The following PCDH9 variants were observed in gnomAD, a reference collection of about 807,000 sequenced individuals.
PCDH9 encodes protocadherin 9, also known as protocadherin-9.
PCDH9 carries 24 observed loss-of-function variants against 70.6 expected under a neutral mutation model. The ratio of observed to expected loss-of-function variants is 0.34; its 90% CI spans 0.25 to 0.48. PCDH9 has a LOEUF of 0.48. PCDH9 is among the 20% of genes least tolerant of loss of function. The pLI is 0.99. For missense variants in PCDH9, 1,281 were observed against 1,503.6 expected (o/e 0.85, Z 2.45); for synonymous variants, 562 against 558.5 (o/e 1.01, Z -0.09).
rs145059803 is a variant in PCDH9, at chr13:66,757,082, C to T, written c.3139-125671G>A. On this transcript the variant is annotated intron_variant, in intron 3 of 4. Coordinates refer to ENST00000377865, the MANE Select transcript of PCDH9 (RefSeq NM_203487.3). Reference sequence around the variant, plus strand: ...GAACTCCTGACATCAAGTGATCCACCCACCTCAGCCTCCCAAAGTGCTGGG... The same window carrying T: ...GAACTCCTGACATCAAGTGATCCACTCACCTCAGCCTCCCAAAGTGCTGGG... 9.2e-3 allele frequency among the ~76,000 whole-genome samples: 1,401 copies of T among 152,232 alleles called. 17 individuals are homozygous for T. Among genetic ancestry groups the T allele is most frequent in the Non-Finnish European group, 0.016 (1,104 of 68,018 alleles).
intron 2 of PCDH9, among the ~76,000 whole-genome samples, chr13:67,186,825 C>A (rs1323291550): frequency 6.6e-6 from 1 of 152,060 alleles, no homozygotes; most frequent in African/African-American, 2.4e-5. Context: ...CATTAACTGA[C>A]CATTAAGCTT....
At chr13:67,074,884 T>A (rs2085847137) in intron 2 of PCDH9, among the ~76,000 whole-genome samples, 1 of 152,122 alleles carries the variant, frequency 6.6e-6, no homozygotes, top group African/African-American at 2.4e-5. Context: ...ATATATTAGT[T>A]TATTCTTACA....
chr13:66,368,790 A>T (rs900400833), intron 4 of PCDH9, among the ~76,000 whole-genome samples: 1 of 152,058 alleles, frequency 6.6e-6, no homozygotes, highest in African/African-American at 2.4e-5. Context: ...TATAATTGGA[A>T]GCCAAGGAGG....
At chr13:66,974,309 G>C (rs1436715297) in intron 2 of PCDH9, among the ~76,000 whole-genome samples, 1 of 151,964 alleles carries the variant, frequency 6.6e-6, no homozygotes, top group Non-Finnish European at 1.5e-5. Flanking sequence ...AAGGATTGTA[G>C]AAAAGAAAAT....
chr13:66,560,416 T>G (rs2324911), intron 4 of PCDH9, among the ~76,000 whole-genome samples: 145,713 of 151,912 alleles, frequency 0.96, 70,210 homozygotes, highest in East Asian at 1. Flanking sequence ...CAACACAATG[T>G]AAGGAGCTGG....
At chr13:66,756,075 G>C (rs1421675547) in intron 3 of PCDH9, among the ~76,000 whole-genome samples, 1 of 152,174 alleles carries the variant, frequency 6.6e-6, no homozygotes, top group Non-Finnish European at 1.5e-5. Flanking sequence ...TTTCTGAAGA[G>C]AGTGAAGATA....
chr13:67,029,062 C>CA (rs979390307), intron 2 of PCDH9, among the ~76,000 whole-genome samples: 12 of 151,810 alleles, frequency 7.9e-5, no homozygotes, highest in Non-Finnish European at 1.0e-4. Context: ...ACTGGTTATG[C>CA]AAAAAAATAA....
At chr13:66,580,738 G>A (rs1048147128) in intron 4 of PCDH9, among the ~76,000 whole-genome samples, 2 of 151,958 alleles carry the variant, frequency 1.3e-5, no homozygotes, top group Admixed American at 6.5e-5. Context: ...CACTTTAAAT[G>A]AGTGTATCTT....
intron 2 of PCDH9, among the ~76,000 whole-genome samples, chr13:67,194,315 A>G (rs548553832): frequency 6.6e-6 from 1 of 152,158 alleles, no homozygotes; most frequent in African/African-American, 2.4e-5. Context: ...ACCATAGGGG[A>G]CAAAAATTCA....
chr13:67,080,708 AT>A (rs2085966844), intron 2 of PCDH9, among the ~76,000 whole-genome samples: 1 of 152,256 alleles, frequency 6.6e-6, no homozygotes, highest in African/African-American at 2.4e-5. Flanking sequence ...CATTGTTTGT[AT>A]TCAGGCAAAC....
intron 2 of PCDH9, among the ~76,000 whole-genome samples, chr13:67,148,246 A>T (rs955566053): frequency 2.7e-5 from 4 of 148,236 alleles, no homozygotes; most frequent in African/African-American, 9.9e-5. Context: ...TGGAATTTGT[A>T]TTTTTCTTCC....
chr13:66,445,893 CCAT>C (rs1958079881), intron 4 of PCDH9, among the ~76,000 whole-genome samples: 1 of 150,454 alleles, frequency 6.6e-6, no homozygotes, highest in South Asian at 2.1e-4. Flanking sequence ...CCTTTCTCTT[CCAT>C]GTTTATTTCA....
At chr13:66,396,951 GA>G (rs1188598353) in intron 4 of PCDH9, among the ~76,000 whole-genome samples, 2 of 151,556 alleles carry the variant, frequency 1.3e-5, no homozygotes, top group Admixed American at 6.6e-5. Flanking sequence ...CCAACATTCT[GA>G]AAAAAAATGT....
intron 4 of PCDH9, 39 bp from the exon 5 acceptor site, chr13:66,305,067 G>C: frequency 1.3e-6 from 2 of 1,514,798 alleles, no homozygotes; most frequent in Non-Finnish European, 1.8e-6. Flanking sequence ...AAAAGGAAGT[G>C]GTTAAAATTT....
chr13:66,651,583 T>C (rs2077852201), intron 3 of PCDH9, among the ~76,000 whole-genome samples: 1 of 152,092 alleles, frequency 6.6e-6, no homozygotes, highest in African/African-American at 2.4e-5. Flanking sequence ...ACTAAACATT[T>C]ATTTAAAGAA....
chr13:66,629,022 T>A, intron 4 of PCDH9, among the ~76,000 whole-genome samples: 1 of 152,354 alleles, frequency 6.6e-6, no homozygotes, highest in East Asian at 1.9e-4. Context: ...CAGATGTTCA[T>A]TGGTTTCTGA....
At chr13:67,091,010 T>G (rs537127959) in intron 2 of PCDH9, among the ~76,000 whole-genome samples, 1 of 152,246 alleles carries the variant, frequency 6.6e-6, no homozygotes, top group Non-Finnish European at 1.5e-5. Context: ...GTTATTATTT[T>G]TAGAACTTCA....
chr13:66,307,159 TCTTAC>T (rs752373318), intron 4 of PCDH9, among the ~76,000 whole-genome samples: 3 of 152,068 alleles, frequency 2.0e-5, no homozygotes, highest in Non-Finnish European at 4.4e-5. Context: ...CTCCCTCAAC[TCTTAC>T]CTTAATTCCA....
At chr13:66,929,311 T>C (rs1442787611) in intron 2 of PCDH9, among the ~76,000 whole-genome samples, 5 of 151,694 alleles carry the variant, frequency 3.3e-5, no homozygotes, top group African/African-American at 1.2e-4. Context: ...TTATTTTTAA[T>C]TATTAATTTT....
Sources: gnomAD v4.1 joint callset for allele counts (sites outside exome capture counted in the v4.1 genomes callset) on GRCh38, gnomAD v4.1.1 for gene constraint, MANE v1.5 for transcripts, NCBI Gene and HGNC (gene_info 2026-07-23, HGNC 2026-07-21) for gene names.